The following GLRA2 variants were observed in gnomAD, a reference collection of about 807,000 sequenced individuals.
GLRA2 encodes glycine receptor alpha 2, also known as glycine receptor subunit alpha-2.
In GLRA2, 11 loss-of-function variants were observed where a neutral mutation model predicts 31.6. The ratio of observed to expected loss-of-function variants is 0.35; its 90% CI spans 0.22 to 0.58. The LOEUF (loss-of-function observed/expected upper bound fraction) is 0.58, where lower values mean the gene tolerates loss of function less well. Ranked by LOEUF, GLRA2 falls within the 20% of genes least tolerant of loss-of-function variation. The pLI, the probability that GLRA2 is intolerant of heterozygous loss-of-function variation, is 0.84. For missense variants in GLRA2, 212 were observed against 351.8 expected (o/e 0.60, Z 3.18); for synonymous variants, 132 against 134.0 (o/e 0.99, Z 0.10).
intron 2 of GLRA2, among the ~76,000 whole-genome samples, chrX:14,540,776 T>A (rs762444562): frequency 6.3e-4 from 70 of 110,639 alleles, no homozygotes; most frequent in Non-Finnish European, 9.7e-4. Flanking sequence ...AATGTGATTG[T>A]TCTGTCTCCT....
the GLRA2 span, among the ~76,000 whole-genome samples, chrX:14,466,285 G>C: frequency 9.0e-6 from 1 of 110,678 alleles, no homozygotes. Flanking sequence ...AAATTTAGTT[G>C]TTCCTTACTC....
At chrX:14,471,978 T>G in the GLRA2 span, among the ~76,000 whole-genome samples, 4,036 of 111,952 alleles carry the variant, frequency 0.036, 80 homozygotes, top group Middle Eastern at 0.1. Context: ...CTTTACCTCA[T>G]GTTCCAATTT....
chrX:14,662,312 C>A (rs1263079166), intron 7 of GLRA2, among the ~76,000 whole-genome samples: 2 of 111,706 alleles, frequency 1.8e-5, no homozygotes, highest in Non-Finnish European at 3.8e-5. Context: ...TCATGATCAA[C>A]AAGGCAGTTT....
chrX:14,703,143 A>G (rs2091570473), intron 8 of GLRA2, among the ~76,000 whole-genome samples: 1 of 111,912 alleles, frequency 8.9e-6, no homozygotes, highest in South Asian at 3.7e-4. Flanking sequence ...AAATAATGGA[A>G]TGTGTAAAAT....
chrX:14,556,954 T>C (rs755104739), intron 2 of GLRA2, among the ~76,000 whole-genome samples: 1 of 111,320 alleles, frequency 9.0e-6, no homozygotes, highest in Non-Finnish European at 1.9e-5. Context: ...ACTCAATAAA[T>C]ATTTGTTGAT....
At chrX:14,606,432 T>C (rs1601758744) in intron 5 of GLRA2, among the ~76,000 whole-genome samples, 1 of 111,846 alleles carries the variant, frequency 8.9e-6, no homozygotes, top group Admixed American at 9.5e-5. Flanking sequence ...CATATAAAAA[T>C]ATGATCTTTC....
At chrX:14,680,074 C>A (rs964563110) in intron 7 of GLRA2, among the ~76,000 whole-genome samples, 9 of 112,514 alleles carry the variant, frequency 8.0e-5, no homozygotes, top group Non-Finnish European at 1.7e-4. Flanking sequence ...AAAGTATCCA[C>A]AGACAATATG....
chrX:14,688,011 CT>C (rs1026187848), intron 7 of GLRA2, among the ~76,000 whole-genome samples: 11 of 112,236 alleles, frequency 9.8e-5, no homozygotes, highest in Non-Finnish European at 1.5e-4. Context: ...GTTAGTTTTC[CT>C]TCTAACAGTG....
Position 14,722,531 on chromosome X carries a change from G to T in GLRA2, c.1081-7676G>T, listed in dbSNP as rs193253748. Among the ~76,000 whole-genome samples, 8 of 111,463 alleles carry T rather than the reference G, an allele frequency of 7.2e-5. No individual in the cohort carries two copies. The South Asian group carries it at 3.1e-3, about 43-fold the overall frequency. On this transcript the variant is annotated intron_variant, in intron 8 of 8. Transcript: ENST00000218075. ...AGCCCACTTAGACTCAAGTGGAGGG[G>T]ATACAGACCCCATGTCTCAATGGAA...
intron 7 of GLRA2, among the ~76,000 whole-genome samples, chrX:14,610,382 G>T (rs1352255064): frequency 9.0e-6 from 1 of 111,716 alleles, no homozygotes; most frequent in Admixed American, 9.5e-5. Context: ...TGCCTCCAAA[G>T]ATAAACATTA....
the GLRA2 span, among the ~76,000 whole-genome samples, chrX:14,484,022 C>A: frequency 9.0e-6 from 1 of 111,465 alleles, no homozygotes; most frequent in Non-Finnish European, 1.9e-5. Flanking sequence ...CAGACTGGTT[C>A]TCCTTGCTTC....
At chrX:14,685,914 A>G (rs2091271855) in intron 7 of GLRA2, among the ~76,000 whole-genome samples, 1 of 111,647 alleles carries the variant, frequency 9.0e-6, no homozygotes, top group South Asian at 3.8e-4. Context: ...TAGGTTGTCA[A>G]TTTTAGATCT....
chrX:14,687,531 C>A (rs1021232738), intron 7 of GLRA2, among the ~76,000 whole-genome samples: 2 of 111,595 alleles, frequency 1.8e-5, no homozygotes, highest in African/African-American at 6.5e-5. Context: ...CTAAGCTTCT[C>A]TTCTCGCTTC....
chrX:14,476,386 C>A, the GLRA2 span, among the ~76,000 whole-genome samples: 1 of 111,816 alleles, frequency 8.9e-6, no homozygotes, highest in Non-Finnish European at 1.9e-5. Context: ...CTAAAGCCTG[C>A]CAAGTGTACT....
At chrX:14,624,591 C>G (rs2090565469) in intron 7 of GLRA2, among the ~76,000 whole-genome samples, 1 of 111,866 alleles carries the variant, frequency 8.9e-6, no homozygotes, top group African/African-American at 3.3e-5. Flanking sequence ...TTTATTTCTG[C>G]CTTCATTTCA....
chrX:14,724,626 CAA>C (rs758722703), intron 8 of GLRA2, among the ~76,000 whole-genome samples: 693 of 49,483 alleles, frequency 0.014, 6 homozygotes, highest in African/African-American at 0.057. Context: ...AACTCTGTCT[CAA>C]AAAAAAAAAA....
intron 7 of GLRA2, among the ~76,000 whole-genome samples, chrX:14,650,325 C>T (rs112209669): frequency 0.24 from 26,475 of 108,768 alleles, 2,531 homozygotes; most frequent in Non-Finnish European, 0.3. Flanking sequence ...CATAAGAAAA[C>T]GATCAATTTT....
intron 4 of GLRA2, among the ~76,000 whole-genome samples, chrX:14,585,827 A>T (rs2090074961): frequency 8.9e-6 from 1 of 112,304 alleles, no homozygotes; most frequent in African/African-American, 3.2e-5. Flanking sequence ...TAAAAACCCT[A>T]AAACTGTCTC....
At chrX:14,515,715 A>G in the GLRA2 span, among the ~76,000 whole-genome samples, 5 of 111,694 alleles carry the variant, frequency 4.5e-5, no homozygotes, top group Admixed American at 4.8e-4. Context: ...TTTTTGAGTC[A>G]CTTGTTTCTT....
Sources: gnomAD v4.1 joint callset for allele counts (sites outside exome capture counted in the v4.1 genomes callset) on GRCh38, gnomAD v4.1.1 for gene constraint, MANE v1.5 for transcripts, NCBI Gene and HGNC (gene_info 2026-07-23, HGNC 2026-07-21) for gene names.